The following ITPR1 variants were observed in gnomAD, a reference collection of about 807,000 sequenced individuals.
ITPR1 encodes the protein inositol 1,4,5-trisphosphate receptor type 1, also known as inositol 1,4,5-trisphosphate-gated calcium channel ITPR1.
A neutral mutation model predicts 318.4 loss-of-function variants in ITPR1; 96 were observed. The ratio of observed to expected loss-of-function variants is 0.30; its 90% CI spans 0.26 to 0.36. The LOEUF is 0.36. ITPR1 is among the 10% of genes least tolerant of loss of function. The pLI is 1.00. For missense variants in ITPR1, 2,440 were observed against 3,460.2 expected, an observed-to-expected ratio of 0.71 and a Z score of 7.40; for synonymous variants, 1,312 against 1,289.9, an observed-to-expected ratio of 1.02 and a Z score of -0.37.
At chr3:4,702,198 C>G (rs1351447530) in intron 35 of ITPR1, among the ~76,000 whole-genome samples, 1 of 151,974 alleles carries the variant, frequency 6.6e-6, no homozygotes, top group African/African-American at 2.4e-5. Context: ...AAATTTATAC[C>G]TTTGTAGAAA....
At position 4,603,469 on chromosome 3, in the gene ITPR1, A is replaced by G. The variant is rs138153451; in HGVS notation, c.164-24294A>G. On this transcript the variant is annotated intron_variant, in intron 4 of 61. Transcript: ENST00000649015. ...TTTTGAGACAGAGTCTCCTTCTGTCACCCAGGCTGGAGTGCAGTGGTGCAA... is the reference window on the plus strand; with the variant it reads ...TTTTGAGACAGAGTCTCCTTCTGTCGCCCAGGCTGGAGTGCAGTGGTGCAA... 8.2e-3 allele frequency among the ~76,000 whole-genome samples: 1,248 copies of G among 152,030 alleles called. 11 individuals carry two copies. Among genetic ancestry groups the G allele is most frequent in the African/African-American group, 0.028 (1,141 of 41,468 alleles).
chr3:4,656,940 G>T (rs73807109), intron 12 of ITPR1, among the ~76,000 whole-genome samples: 1 of 152,226 alleles, frequency 6.6e-6, no homozygotes, highest in African/African-American at 2.4e-5. Flanking sequence ...CAGACTCCTT[G>T]TCTAAGCCCC....
intron 22 of ITPR1, among the ~76,000 whole-genome samples, chr3:4,674,808 G>A (rs2094151813): frequency 1.3e-5 from 2 of 151,584 alleles, no homozygotes; most frequent in South Asian, 2.1e-4. Flanking sequence ...TATTATCCTT[G>A]GGAAGCTGTG....
chr3:4,739,743 T>C (rs2043561752), intron 44 of ITPR1, among the ~76,000 whole-genome samples: 1 of 152,218 alleles, frequency 6.6e-6, no homozygotes, highest in South Asian at 2.1e-4. Flanking sequence ...TTCTGTGAGC[T>C]TGGGCTCAGC....
At chr3:4,692,031 A>C (rs1285332233) in intron 32 of ITPR1, among the ~76,000 whole-genome samples, 1 of 152,106 alleles carries the variant, frequency 6.6e-6, no homozygotes, top group Admixed American at 6.5e-5. Flanking sequence ...GCATGTGCCC[A>C]TAATCCCAGT....
At chr3:4,820,843 G>C (rs533471467) in intron 60 of ITPR1, among the ~76,000 whole-genome samples, 1 of 152,176 alleles carries the variant, frequency 6.6e-6, no homozygotes, top group Non-Finnish European at 1.5e-5. Flanking sequence ...TCCTAAGGGA[G>C]CATTAGCCCC....
chr3:4,669,864 G>A, intron 19 of ITPR1, 91 bp downstream of exon 19: 3 of 1,265,468 alleles, frequency 2.4e-6, no homozygotes, highest in Non-Finnish European at 3.1e-6. Flanking sequence ...ATCATTTTTT[G>A]AGTTGATCTA....
chr3:4,635,445 T>A (rs1421631055), intron 5 of ITPR1, among the ~76,000 whole-genome samples: 1 of 151,902 alleles, frequency 6.6e-6, no homozygotes, highest in Non-Finnish European at 1.5e-5. Context: ...GGTCCACCCC[T>A]TTCTCCTGCC....
chr3:4,618,331 A>T (rs2092465253), intron 4 of ITPR1, among the ~76,000 whole-genome samples: 1 of 152,158 alleles, frequency 6.6e-6, no homozygotes, highest in South Asian at 2.1e-4. Context: ...GATATTTACC[A>T]CTGTGTTTCT....
chr3:4,708,179 T>C (rs2094798152), intron 37 of ITPR1, among the ~76,000 whole-genome samples: 1 of 152,172 alleles, frequency 6.6e-6, no homozygotes, highest in Non-Finnish European at 1.5e-5. Flanking sequence ...AAACAGCATG[T>C]GTAAAGACCG....
intron 60 of ITPR1, chr3:4,825,653 C>T (rs140944059): frequency 0.012 from 5,527 of 447,966 alleles, 81 homozygotes; most frequent in Admixed American, 0.047. Flanking sequence ...ATACAGAAAG[C>T]AACGTGTTAA....
chr3:4,576,355 C>T (rs908872652), intron 4 of ITPR1, among the ~76,000 whole-genome samples: 13 of 152,190 alleles, frequency 8.5e-5, no homozygotes, highest in African/African-American at 3.1e-4. Flanking sequence ...ATGTAGATTC[C>T]TGGGTCCAAC....
At chr3:4,680,826 A>G in intron 25 of ITPR1, 135 bp downstream of exon 25, 1 of 755,236 alleles carries the variant, frequency 1.3e-6, no homozygotes. Flanking sequence ...TCATCCTGGC[A>G]GTTACTCTTT....
Position 4,516,529 on chromosome 3 carries a change from A to G in ITPR1, c.38A>G (p.Asp13Gly), listed in dbSNP as rs2082181559. 6.3e-7 allele frequency: 1 copy of G among 1,599,748 alleles called. No individual in the cohort carries two copies. The highest frequency in any genetic ancestry group is 1.3e-5 in the African/African-American group (1 of 74,200). Residue 13 changes from aspartate (D) to glycine (G), a missense_variant, in exon 3 of 62, where the codon GAC becomes GGC. Around this residue, in one of 23 missense-constraint regions of ITPR1, gnomAD observed 186 missense variants for 323.9 expected, o/e 0.57. Transcript: ENST00000649015. ...DKMSSFLHIG[D>G]ICSLYAEGST... The stretch of plus-strand genomic sequence containing the variant: ...ATGTCTAGCTTCCTACATATTGGAG[A>G]CATTTGTTCTCTGTACGCGGAGGGA...
At chr3:4,707,279 C>T (rs891665782) in intron 37 of ITPR1, among the ~76,000 whole-genome samples, 14 of 152,346 alleles carry the variant, frequency 9.2e-5, no homozygotes, top group Non-Finnish European at 1.3e-4. Context: ...CTAGCTATTT[C>T]TTGCTTAGAG....
intron 60 of ITPR1, among the ~76,000 whole-genome samples, chr3:4,835,988 A>G (rs892306522): frequency 6.6e-6 from 1 of 152,206 alleles, no homozygotes; most frequent in Non-Finnish European, 1.5e-5. Context: ...AGTGGTTTCT[A>G]TAAGCTCATA....
Position 4,735,399 on chromosome 3 carries a change from G to T in ITPR1, c.5544+45G>T, listed in dbSNP as rs745602903. 14 of 1,519,648 alleles carry T rather than the reference G, an allele frequency of 9.2e-6. No individual in the cohort carries two copies. The South Asian group carries it at 1.3e-4, about 15-fold the overall frequency. The allele number at this position is 1,519,648 out of a possible 1,614,324, so 94.1% of individuals were successfully genotyped here. ...ACTGGTATGGCATCCCTGCTGAGCA[G>T]GAGGAGAGTCTGTTCTGGGAGCCAG... is the stretch of plus-strand genomic sequence containing the variant. On this transcript the variant is annotated intron_variant, in intron 44 of 61. Coordinates refer to ENST00000649015, the MANE Select transcript of ITPR1 (RefSeq NM_001378452.1).
intron 4 of ITPR1, among the ~76,000 whole-genome samples, chr3:4,609,089 T>TATATATATATACAC (rs1171860541): frequency 2.2e-5 from 2 of 91,950 alleles, no homozygotes; most frequent in South Asian, 3.8e-4. Flanking sequence ...TATATATATA[T>TATATATATATACAC]ACACACACAC....
rs370939479 is a variant in ITPR1 at position 4,521,072 on chromosome 3, C to T, written c.141C>T (p.Asn47=). The change falls in exon 4 of 62, where the codon AAC becomes AAT. Residue 47 remains asparagine, a synonymous_variant. Transcript: ENST00000649015. ...CVVQPETGDL[N]NPPKKFRDCL... is the part of the protein sequence containing the mutation. ...TACAGCCAGAAACCGGGGACCTTAA[C>T]AATCCACCTAAGAAATTCAGAGGTA... 4.5e-5 allele frequency: 72 copies of T among 1,613,408 alleles called. No individual in the cohort carries two copies. In the African/African-American group the frequency reaches 8.0e-4, roughly 18 times the overall value.
Sources: allele counts gnomAD v4.1 joint callset (sites outside exome capture counted in the v4.1 genomes callset), GRCh38; gene constraint gnomAD v4.1.1; regional missense constraint gnomAD v4.1.1; transcripts MANE v1.5; gene names NCBI Gene and HGNC (gene_info 2026-07-23, HGNC 2026-07-21).